VWC2: variants seen among roughly 807,000 people sequenced by gnomAD.
The protein encoded by VWC2 is brorin.
In VWC2, 14 loss-of-function variants were observed where a neutral mutation model predicts 29.8. That is an observed-to-expected ratio of 0.47 (90% confidence interval 0.31 to 0.74). VWC2 has a LOEUF of 0.74. Among genes scored for constraint, VWC2 ranks in the 30% least tolerant of loss-of-function variants. VWC2 has a pLI of 0.05. For missense variants in VWC2, 457 were observed against 459.8 expected, an observed-to-expected ratio of 0.99 and a Z score of 0.05; for synonymous variants, 213 against 199.0, an observed-to-expected ratio of 1.07 and a Z score of -0.59.
In VWC2 at chr7:49,868,343, A is replaced by G. The variant is rs535073464; in HGVS notation, c.827-43691A>G. On this transcript the variant is annotated intron_variant, in intron 3 of 3. Transcript: ENST00000340652. ...CTTTAGCCAAGTCAATTTTGTAGAT[A>G]TTTCAAAGTATTGATGGTTCATTTC... 7.9e-5 allele frequency among the ~76,000 whole-genome samples: 12 copies of G among 152,312 alleles called. No individual in the cohort carries two copies. The South Asian group carries it at 1.9e-3, about 24-fold the overall frequency.
chr7:49,881,416 A>T (rs6977361), intron 3 of VWC2, among the ~76,000 whole-genome samples: 1 of 151,956 alleles, frequency 6.6e-6, no homozygotes, highest in East Asian at 1.9e-4. Flanking sequence ...TGAATGATTT[A>T]ATAGAAAGTT....
intron 3 of VWC2, among the ~76,000 whole-genome samples, chr7:49,864,741 C>T (rs1790808277): frequency 6.6e-6 from 1 of 152,232 alleles, no homozygotes. Flanking sequence ...TTTATGAATG[C>T]TGTCTGCTCC....
chr7:49,896,517 GGAAA>G (rs1174765889), intron 3 of VWC2, among the ~76,000 whole-genome samples: 1 of 151,652 alleles, frequency 6.6e-6, no homozygotes, highest in Non-Finnish European at 1.5e-5. Flanking sequence ...CAAAAGCAAT[GGAAA>G]GAAAAAATAG....
intron 3 of VWC2, among the ~76,000 whole-genome samples, chr7:49,832,379 A>T (rs1291934920): frequency 6.6e-6 from 1 of 152,070 alleles, no homozygotes; most frequent in East Asian, 1.9e-4. Flanking sequence ...ATAGAACCTC[A>T]TTCTATTTTC....
intron 3 of VWC2, among the ~76,000 whole-genome samples, chr7:49,845,102 C>T (rs908874668): frequency 3.3e-5 from 5 of 152,026 alleles, no homozygotes; most frequent in Admixed American, 6.6e-5. Context: ...AACACATGGG[C>T]GGGAACAACA....
chr7:49,826,121 G>A (rs1053173372), intron 3 of VWC2, among the ~76,000 whole-genome samples: 1 of 152,162 alleles, frequency 6.6e-6, no homozygotes, highest in Non-Finnish European at 1.5e-5. Context: ...CGTCTGTTTA[G>A]AGTAAACTCT....
intron 3 of VWC2, among the ~76,000 whole-genome samples, chr7:49,877,789 A>G (rs897842088): frequency 1.3e-5 from 2 of 151,286 alleles, no homozygotes; most frequent in African/African-American, 4.9e-5. Flanking sequence ...TATTGTTGTC[A>G]TTATTATTAT....
intron 2 of VWC2, among the ~76,000 whole-genome samples, chr7:49,800,495 A>C (rs915192877): frequency 7.2e-5 from 11 of 152,140 alleles, no homozygotes; most frequent in Non-Finnish European, 1.3e-4. Context: ...AGACCTCACT[A>C]TCTGACCCGC....
At chr7:49,817,280 A>G (rs1020034912) in intron 3 of VWC2, among the ~76,000 whole-genome samples, 7 of 152,250 alleles carry the variant, frequency 4.6e-5, no homozygotes, top group Admixed American at 1.3e-4. Flanking sequence ...AGAAAAATCA[A>G]TTGTCACAAT....
At chr7:49,816,390 G>A (rs1025641014) in intron 3 of VWC2, among the ~76,000 whole-genome samples, 2 of 152,182 alleles carry the variant, frequency 1.3e-5, no homozygotes, top group African/African-American at 4.8e-5. Context: ...AACACAGGGA[G>A]ATGTGGTGCA....
intron 2 of VWC2, among the ~76,000 whole-genome samples, chr7:49,779,797 G>A (rs546591758): frequency 5.9e-5 from 9 of 152,248 alleles, no homozygotes; most frequent in Admixed American, 4.6e-4. Context: ...AGCAGGGCTG[G>A]TTTCTTCCGA....
Position 49,912,086 on chromosome 7 carries a change from G to A in VWC2, c.879G>A (p.Lys293=). 6.2e-7 allele frequency: 1 copy of A among 1,614,110 alleles called. No homozygotes were observed. The highest frequency in any genetic ancestry group is 8.5e-7 in the Non-Finnish European group (1 of 1,180,020). ...TAVIPAGREV[K]TDECTICHCT... is the part of the protein sequence containing the mutation. Reference sequence around the variant, plus strand: ...TGATCCCTGCTGGCAGAGAAGTGAAGACTGACGAGTGCACCATATGCCACT... The same window carrying A: ...TGATCCCTGCTGGCAGAGAAGTGAAAACTGACGAGTGCACCATATGCCACT... Residue 293 remains lysine (K), a synonymous_variant, in exon 4 of 4, where the codon AAG becomes AAA. Transcript: ENST00000340652.
chr7:49,902,435 G>A (rs979945771), intron 3 of VWC2, among the ~76,000 whole-genome samples: 2 of 151,700 alleles, frequency 1.3e-5, no homozygotes, highest in African/African-American at 2.4e-5. Context: ...ACCCACAACA[G>A]TACAGCAAAT....
chr7:49,801,007 C>T (rs1788725782), intron 2 of VWC2, among the ~76,000 whole-genome samples: 1 of 152,106 alleles, frequency 6.6e-6, no homozygotes. Context: ...TAAAGTTTTT[C>T]AAAGTTTCCT....
Position 49,775,511 on chromosome 7 carries a change from C to T in VWC2, c.76C>T (p.Leu26=), listed in dbSNP as rs762248931. Residue 26 remains leucine, a synonymous_variant, in exon 2 of 4, where the codon CTG becomes TTG. Coordinates refer to ENST00000340652, the MANE Select transcript of VWC2 (RefSeq NM_198570.5). ...GGTCACCTGCTGCCTGATGGTGGCT[C>T]TGTGCAGTCCGAGCATCCCGCTGGA... The part of the protein sequence containing the change: ...LLVTCCLMVA[L]CSPSIPLEKL... 1 of 1,574,020 alleles carries T rather than the reference C, an allele frequency of 6.4e-7. No homozygotes were observed. The highest frequency in any genetic ancestry group is 1.2e-5 in the South Asian group (1 of 85,404).
intron 2 of VWC2, 57 bp from the exon 3 acceptor site, chr7:49,802,654 C>G (rs1052465356): frequency 1.2e-6 from 2 of 1,607,832 alleles, no homozygotes; most frequent in African/African-American, 2.7e-5. Flanking sequence ...ATATATATGA[C>G]CCTGTAGGAT....
At chr7:49,828,251 G>T (rs2128710779) in intron 3 of VWC2, among the ~76,000 whole-genome samples, 1 of 152,224 alleles carries the variant, frequency 6.6e-6, no homozygotes, top group East Asian at 1.9e-4. Flanking sequence ...ACCACAATTT[G>T]TAAGTGCATT....
chr7:49,793,726 T>C (rs924149061), intron 2 of VWC2, among the ~76,000 whole-genome samples: 7 of 152,374 alleles, frequency 4.6e-5, no homozygotes, highest in African/African-American at 1.7e-4. Flanking sequence ...TGTTTCTAAC[T>C]TTTTTCTATT....
Position 49,913,862 on chromosome 7 carries a change from C to T in VWC2, c.*1677C>T, listed in dbSNP as rs1010508865. ...ATTGAAAAATTAAACTATTGTGAAC[C>T]TTAGTAAGTATAAAGATGCCACTGA... On this transcript the variant is annotated 3_prime_UTR_variant, in exon 4 of 4. Transcript: ENST00000340652. The T allele has an allele frequency of 3.3e-5, 5 of 152,032 alleles. No homozygotes were observed. 9.4% of individuals were successfully genotyped at this position (152,032 alleles called of 1,614,324 possible).
Sources: gnomAD v4.1 joint callset for allele counts (sites outside exome capture counted in the v4.1 genomes callset) on GRCh38, gnomAD v4.1.1 for gene constraint, MANE v1.5 for transcripts, NCBI Gene and HGNC (gene_info 2026-07-23, HGNC 2026-07-21) for gene names.